Variants in RIMS1 observed in about 807,000 individuals in gnomAD.
RIMS1 encodes the protein regulating synaptic membrane exocytosis 1, also known as regulating synaptic membrane exocytosis protein 1.
Under a neutral mutation model 214.1 loss-of-function variants are expected in RIMS1, and 83 were observed. The ratio of observed to expected loss-of-function variants is 0.39; its 90% confidence interval spans 0.32 to 0.47. The LOEUF (loss-of-function observed/expected upper bound fraction) is 0.47, where lower values mean the gene tolerates loss of function less well. Ranked by LOEUF, RIMS1 falls within the 20% of genes least tolerant of loss-of-function variation. The pLI is 0.99. For synonymous variants in RIMS1, 793 were observed against 786.8 expected, an observed-to-expected ratio of 1.01 and a Z score of -0.13; for missense variants, 2,050 against 2,161.8, an observed-to-expected ratio of 0.95 and a Z score of 1.03.
intron 2 of RIMS1, among the ~76,000 whole-genome samples, chr6:72,015,032 G>A (rs951733643): frequency 6.6e-6 from 1 of 151,996 alleles, no homozygotes; most frequent in African/African-American, 2.4e-5. Context: ...GGACCAGAAG[G>A]GTTTTGCATT....
chr6:72,390,089 A>G (rs541227825), intron 29 of RIMS1, among the ~76,000 whole-genome samples: 6 of 152,346 alleles, frequency 3.9e-5, no homozygotes, highest in African/African-American at 1.4e-4. Flanking sequence ...TGCAAAAATC[A>G]TCAATTAAAA....
At chr6:72,365,009 C>T (rs761297224) in intron 29 of RIMS1, among the ~76,000 whole-genome samples, 1 of 152,198 alleles carries the variant, frequency 6.6e-6, no homozygotes, top group Non-Finnish European at 1.5e-5. Context: ...TGAATGTCTA[C>T]GGGGCATAGC....
At chr6:72,184,088 A>G (rs1562521874) in intron 6 of RIMS1, among the ~76,000 whole-genome samples, 1 of 152,210 alleles carries the variant, frequency 6.6e-6, no homozygotes, top group Non-Finnish European at 1.5e-5. Context: ...TGTGATGCTT[A>G]TCATCTCCCT....
intron 6 of RIMS1, among the ~76,000 whole-genome samples, chr6:72,203,778 A>T (rs2052447057): frequency 6.6e-6 from 1 of 152,130 alleles, no homozygotes; most frequent in South Asian, 2.1e-4. Flanking sequence ...TTGAGGGAGG[A>T]GATTTTTGAA....
At chr6:71,998,042 T>C (rs1053311622) in intron 2 of RIMS1, among the ~76,000 whole-genome samples, 4 of 152,264 alleles carry the variant, frequency 2.6e-5, no homozygotes, top group Admixed American at 1.3e-4. Flanking sequence ...ATCTAAAATG[T>C]TTAATGATTA....
intron 1 of RIMS1, among the ~76,000 whole-genome samples, chr6:71,922,720 C>T (rs1361943195): frequency 1.3e-5 from 2 of 152,102 alleles, no homozygotes; most frequent in East Asian, 1.9e-4. Flanking sequence ...AGAAGGAAAG[C>T]TCGTATAGTT....
At chr6:72,222,405 C>A (rs1460077047) in intron 6 of RIMS1, among the ~76,000 whole-genome samples, 1 of 151,878 alleles carries the variant, frequency 6.6e-6, no homozygotes, top group African/African-American at 2.4e-5. Context: ...TTTTTTTGTA[C>A]TGCATTCAAA....
intron 4 of RIMS1, among the ~76,000 whole-genome samples, chr6:72,101,236 T>C (rs554155984): frequency 5.3e-4 from 80 of 151,978 alleles, no homozygotes; most frequent in Non-Finnish European, 7.1e-4. Context: ...GTTATGATTA[T>C]AGTGTAATGA....
At chr6:72,386,731 C>CTTTTTTTT (rs35080577) in intron 29 of RIMS1, among the ~76,000 whole-genome samples, 1 of 109,888 alleles carries the variant, frequency 9.1e-6, no homozygotes, top group Non-Finnish European at 1.9e-5. Flanking sequence ...CACTGTCTTT[C>CTTTTTTTT]TTTTTTTTTT....
chr6:72,059,927 G>A (rs2152236078), intron 2 of RIMS1, among the ~76,000 whole-genome samples: 1 of 152,022 alleles, frequency 6.6e-6, no homozygotes, highest in South Asian at 2.1e-4. Context: ...CCTCAATGAA[G>A]CGGCTTTTTA....
chr6:71,937,040 A>G (rs1784653103), intron 1 of RIMS1, among the ~76,000 whole-genome samples: 1 of 152,184 alleles, frequency 6.6e-6, no homozygotes, highest in South Asian at 2.1e-4. Context: ...TCACCAGCTG[A>G]TGGTCGGTGC....
rs756470994 is a variant in RIMS1, at chr6:72,258,180, A to G, written c.2826A>G (p.Glu942=). 1 of 1,613,234 alleles carries G rather than the reference A, an allele frequency of 6.2e-7. No homozygotes were observed. Among genetic ancestry groups the G allele is most frequent in the Non-Finnish European group, 8.5e-7 (1 of 1,179,552 alleles). ...AATCTACAACATTAACTGTGCCAGAACAGCAAAGAACAACTCATCACCGCT... is the reference window on the plus strand; with the variant it reads ...AATCTACAACATTAACTGTGCCAGAGCAGCAAAGAACAACTCATCACCGCT... ...ESKSTTLTVP[E]QQRTTHHRSR... is the part of the protein sequence containing the mutation. Residue 942 remains glutamate, a synonymous_variant, in exon 17 of 34, where the codon GAA becomes GAG. Transcript: ENST00000521978.
intron 28 of RIMS1, among the ~76,000 whole-genome samples, chr6:72,327,108 T>G (rs138423525): frequency 6.6e-6 from 1 of 151,672 alleles, no homozygotes; most frequent in Non-Finnish European, 1.5e-5. Context: ...CCTCCAGAAC[T>G]GAAAGATAAT....
chr6:72,191,315 G>T (rs2050032691), intron 6 of RIMS1, among the ~76,000 whole-genome samples: 1 of 152,198 alleles, frequency 6.6e-6, no homozygotes, highest in Admixed American at 6.5e-5. Flanking sequence ...ACCTTCCTTA[G>T]AGGGAATATC....
intron 2 of RIMS1, among the ~76,000 whole-genome samples, chr6:72,036,862 A>G (rs941440861): frequency 7.2e-5 from 11 of 152,324 alleles, no homozygotes; most frequent in African/African-American, 9.6e-5. Context: ...AGGGGGCAAC[A>G]TGGGAATTTT....
intron 1 of RIMS1, among the ~76,000 whole-genome samples, chr6:71,951,788 G>A (rs1479074895): frequency 4.0e-5 from 6 of 151,812 alleles, no homozygotes; most frequent in Non-Finnish European, 5.9e-5. Flanking sequence ...GATTATAGGC[G>A]TGAGCCACCA....
chr6:72,060,660 AT>A (rs371912980), intron 2 of RIMS1, among the ~76,000 whole-genome samples: 1 of 152,072 alleles, frequency 6.6e-6, no homozygotes, highest in African/African-American at 2.4e-5. Flanking sequence ...TACCAAAGCC[AT>A]TTTTTTAGGT....
At chr6:72,017,741 TA>T (rs1250606242) in intron 2 of RIMS1, among the ~76,000 whole-genome samples, 1 of 152,146 alleles carries the variant, frequency 6.6e-6, no homozygotes, top group Non-Finnish European at 1.5e-5. Context: ...ATAAAGAGAA[TA>T]GGGGCAGGGA....
At chr6:72,014,197 A>G (rs985402306) in intron 2 of RIMS1, among the ~76,000 whole-genome samples, 3 of 152,218 alleles carry the variant, frequency 2.0e-5, no homozygotes, top group African/African-American at 7.2e-5. Flanking sequence ...GTGAGTGGCA[A>G]GTGAAGGGGG....
Sources: allele counts gnomAD v4.1 joint callset (sites outside exome capture counted in the v4.1 genomes callset), GRCh38; gene constraint gnomAD v4.1.1; transcripts MANE v1.5; gene names NCBI Gene and HGNC (gene_info 2026-07-23, HGNC 2026-07-21).